The following LHFPL4 variants were observed in gnomAD, a reference collection of about 807,000 sequenced individuals.
LHFPL4 encodes the protein LHFPL tetraspan subfamily member 4 protein.
In LHFPL4, 6 loss-of-function variants were observed where a neutral mutation model predicts 20.0. The ratio of observed to expected loss-of-function variants is 0.30; its 90% CI spans 0.16 to 0.59. The LOEUF is 0.59. LHFPL4 is among the 20% of genes least tolerant of loss of function. LHFPL4 has a pLI of 0.88. For synonymous variants in LHFPL4, 129 were observed against 143.8 expected (o/e 0.90, Z 0.74); for missense variants, 215 against 331.2 (o/e 0.65, Z 2.72).
At chr3:9,512,323 T>G (rs900922158) in intron 2 of LHFPL4, among the ~76,000 whole-genome samples, 1 of 152,164 alleles carries the variant, frequency 6.6e-6, no homozygotes, top group African/African-American at 2.4e-5. Context: ...ACCCATTTCG[T>G]AGAGCTTCTG....
Position 9,509,252 on chromosome 3 carries a change from T to C in LHFPL4, c.407-3049A>G, listed in dbSNP as rs1296703597. On this transcript the variant is annotated intron_variant, in intron 2 of 3. Transcript: ENST00000287585. Reference sequence around the variant, plus strand: ...TCATCTTTCTTCGCACCCCCCTCTCTCTCTCTCTGGCTTGTCTACCTAGTG... The same window carrying C: ...TCATCTTTCTTCGCACCCCCCTCTCCCTCTCTCTGGCTTGTCTACCTAGTG... Among the ~76,000 whole-genome samples the C allele has an allele frequency of 4.8e-3, 507 of 105,784 alleles. 8 individuals are homozygous for C. The highest frequency in any genetic ancestry group is 0.025 in the East Asian group (49 of 1,952). The allele number at this position is 105,784 out of a possible 152,430, so 69.4% of individuals were successfully genotyped here.
chr3:9,509,287 CA>C (rs2046241969), intron 2 of LHFPL4, among the ~76,000 whole-genome samples: 1 of 143,434 alleles, frequency 7.0e-6, no homozygotes, highest in Non-Finnish European at 1.5e-5. Flanking sequence ...GCTCAAGTCT[CA>C]GTCTGGACCC....
chr3:9,538,952 G>A (rs932849369), intron 2 of LHFPL4, among the ~76,000 whole-genome samples: 8 of 151,796 alleles, frequency 5.3e-5, no homozygotes, highest in African/African-American at 1.9e-4. Context: ...TGCCCACCTT[G>A]GCCTCTCAAA....
intron 2 of LHFPL4, among the ~76,000 whole-genome samples, chr3:9,516,441 T>C (rs141763205): frequency 2.8e-4 from 42 of 152,172 alleles, no homozygotes; most frequent in African/African-American, 1.0e-3. Context: ...TATCAATCAA[T>C]TTGCCCGTTC....
chr3:9,550,397 C>T (rs1574857816), intron 2 of LHFPL4, among the ~76,000 whole-genome samples: 2 of 152,232 alleles, frequency 1.3e-5, no homozygotes, highest in East Asian at 3.9e-4. Flanking sequence ...CCTCCCTTAA[C>T]AGCTGTGTGA....
At chr3:9,522,979 T>C (rs1397664227) in intron 2 of LHFPL4, among the ~76,000 whole-genome samples, 2 of 142,908 alleles carry the variant, frequency 1.4e-5, no homozygotes, top group African/African-American at 5.2e-5. Context: ...AGGCGGAGCT[T>C]GCAGTGAGCC....
intron 2 of LHFPL4, among the ~76,000 whole-genome samples, chr3:9,508,589 G>A (rs1315282097): frequency 1.3e-5 from 2 of 152,230 alleles, no homozygotes; most frequent in Admixed American, 6.5e-5. Context: ...ACTGGACATG[G>A]TGGAAACTGA....
At chr3:9,542,108 A>G (rs1382827364) in intron 2 of LHFPL4, among the ~76,000 whole-genome samples, 1 of 151,964 alleles carries the variant, frequency 6.6e-6, no homozygotes, top group African/African-American at 2.4e-5. Context: ...CAACATGGTG[A>G]AACCCCATCT....
intron 2 of LHFPL4, among the ~76,000 whole-genome samples, chr3:9,537,043 G>C (rs1359164939): frequency 6.6e-6 from 1 of 152,014 alleles, no homozygotes; most frequent in Non-Finnish European, 1.5e-5. Context: ...CTATGATCGT[G>C]CCACTGTACT....
intron 2 of LHFPL4, among the ~76,000 whole-genome samples, chr3:9,516,693 C>T (rs974420491): frequency 5.3e-5 from 8 of 151,742 alleles, no homozygotes; most frequent in African/African-American, 1.9e-4. Context: ...AGGCTGGTCT[C>T]GAACTCCTGA....
At chr3:9,543,771 C>T (rs1028220113) in intron 2 of LHFPL4, among the ~76,000 whole-genome samples, 10 of 130,314 alleles carry the variant, frequency 7.7e-5, no homozygotes, top group Admixed American at 4.3e-4. Flanking sequence ...CACTCTGTCA[C>T]CCAGGCTGGA....
chr3:9,510,423 C>G (rs1259767444), intron 2 of LHFPL4, among the ~76,000 whole-genome samples: 2 of 126,952 alleles, frequency 1.6e-5, no homozygotes, highest in African/African-American at 6.3e-5. Flanking sequence ...GGCATCAGAG[C>G]AAGACATGGT....
intron 2 of LHFPL4, among the ~76,000 whole-genome samples, chr3:9,525,881 T>C (rs926503714): frequency 2.0e-5 from 3 of 152,232 alleles, no homozygotes; most frequent in African/African-American, 4.8e-5. Flanking sequence ...AAAGGTTAAA[T>C]GATGAGTCTG....
At chr3:9,515,922 C>T (rs2046297657) in intron 2 of LHFPL4, among the ~76,000 whole-genome samples, 1 of 152,010 alleles carries the variant, frequency 6.6e-6, no homozygotes, top group South Asian at 2.1e-4. Flanking sequence ...GCCATGTTGG[C>T]CAGGCTACTC....
chr3:9,553,309 G>T (rs1365742792), intron 1 of LHFPL4, among the ~76,000 whole-genome samples: 5 of 150,984 alleles, frequency 3.3e-5, no homozygotes, highest in African/African-American at 1.2e-4. Context: ...GGGGAATGGG[G>T]GCTGGTATGA....
At chr3:9,503,489 A>G (rs966451029) in intron 3 of LHFPL4, among the ~76,000 whole-genome samples, 1 of 152,188 alleles carries the variant, frequency 6.6e-6, no homozygotes, top group African/African-American at 2.4e-5. Context: ...ACAGGTTAGC[A>G]GATCAGCATC....
At chr3:9,518,958 C>G (rs2046320930) in intron 2 of LHFPL4, among the ~76,000 whole-genome samples, 1 of 90,290 alleles carries the variant, frequency 1.1e-5, no homozygotes, top group Non-Finnish European at 2.8e-5. Flanking sequence ...TATTTAGAGA[C>G]AGAGTCTCTC....
chr3:9,536,177 C>G (rs1011907248), intron 2 of LHFPL4, among the ~76,000 whole-genome samples: 5 of 152,158 alleles, frequency 3.3e-5, no homozygotes, highest in African/African-American at 4.8e-5. Flanking sequence ...CAGGGAGATC[C>G]CCCAGGAGAA....
intron 2 of LHFPL4, among the ~76,000 whole-genome samples, chr3:9,516,061 T>TTTCA (rs573037673): frequency 3.8e-4 from 58 of 152,344 alleles, no homozygotes; most frequent in Non-Finnish European, 7.3e-4. Flanking sequence ...TGGCTTGTCT[T>TTTCA]TTCATTCTCT....
Sources: allele counts gnomAD v4.1 joint callset (sites outside exome capture counted in the v4.1 genomes callset), GRCh38; gene constraint gnomAD v4.1.1; transcripts MANE v1.5; gene names NCBI Gene and HGNC (gene_info 2026-07-23, HGNC 2026-07-21).